The following HDAC9 variants were observed in gnomAD, a reference collection of about 807,000 sequenced individuals.
The protein encoded by HDAC9 is MEF-2 interacting transcription repressor (MITR) protein.
Under a neutral mutation model 139.4 loss-of-function variants are expected in HDAC9, and 41 were observed. The ratio of observed to expected loss-of-function variants is 0.29; its 90% CI spans 0.23 to 0.38. HDAC9 has a LOEUF of 0.38. Ranked by LOEUF, HDAC9 falls within the 10% of genes least tolerant of loss-of-function variation. The probability of loss-of-function intolerance (pLI) is 1.00; values close to 1 mark genes in which losing one functional copy is unlikely to be tolerated. For synonymous variants in HDAC9, 517 were observed against 476.2 expected (o/e 1.09, Z -1.12); for missense variants, 1,147 against 1,297.0 (o/e 0.88, Z 1.78).
chr7:18,106,643 G>A (rs2697900), intron 1 of HDAC9, among the ~76,000 whole-genome samples: 83,478 of 151,900 alleles, frequency 0.55, 25,549 homozygotes, highest in Non-Finnish European at 0.68. Context: ...TGGTAAAGAT[G>A]GGGTTTCACC....
intron 1 of HDAC9, among the ~76,000 whole-genome samples, chr7:18,336,462 C>T (rs537977520): frequency 1.3e-5 from 2 of 151,578 alleles, no homozygotes; most frequent in Non-Finnish European, 3.0e-5. Flanking sequence ...TTATACTGTC[C>T]TCTCTGCTGT....
chr7:18,137,748 A>T (rs986865860), intron 1 of HDAC9, among the ~76,000 whole-genome samples: 1 of 152,050 alleles, frequency 6.6e-6, no homozygotes, highest in African/African-American at 2.4e-5. Flanking sequence ...TTCATCAAGG[A>T]TATTGGTCTA....
chr7:18,681,883 T>A (rs1018636665), intron 12 of HDAC9, among the ~76,000 whole-genome samples: 2 of 152,038 alleles, frequency 1.3e-5, no homozygotes, highest in African/African-American at 2.4e-5. Flanking sequence ...TGACAATCTG[T>A]CCCAAAGAAA....
chr7:18,786,848 C>A (rs538834061), intron 16 of HDAC9, among the ~76,000 whole-genome samples: 1,604 of 125,814 alleles, frequency 0.013, 51 homozygotes, highest in African/African-American at 0.047. Flanking sequence ...TCCTTCCTTC[C>A]TTCCTTCTCT....
intron 17 of HDAC9, among the ~76,000 whole-genome samples, chr7:18,828,722 AG>A (rs1795639477): frequency 6.6e-6 from 1 of 152,170 alleles, no homozygotes; most frequent in African/African-American, 2.4e-5. Flanking sequence ...ATAACCATCA[AG>A]GAGATCCAGT....
intron 1 of HDAC9, among the ~76,000 whole-genome samples, chr7:18,347,828 C>T (rs1285092293): frequency 1.3e-5 from 2 of 152,054 alleles, no homozygotes; most frequent in Non-Finnish European, 2.9e-5. Flanking sequence ...CCACCCACCT[C>T]GGCCTCCCCA....
chr7:18,123,814 G>T (rs995658124), intron 1 of HDAC9, among the ~76,000 whole-genome samples: 1 of 152,120 alleles, frequency 6.6e-6, no homozygotes, highest in Non-Finnish European at 1.5e-5. Context: ...CACATAATAA[G>T]TCTAAAACAG....
intron 6 of HDAC9, among the ~76,000 whole-genome samples, chr7:18,614,487 A>ATT: frequency 6.6e-6 from 1 of 152,198 alleles, no homozygotes; most frequent in Non-Finnish European, 1.5e-5. Flanking sequence ...AGTAGGAAGC[A>ATT]TCTTTTCAGA....
chr7:18,839,704 A>G (rs1489853889), intron 21 of HDAC9, among the ~76,000 whole-genome samples: 1 of 152,066 alleles, frequency 6.6e-6, no homozygotes, highest in Non-Finnish European at 1.5e-5. Flanking sequence ...TGTTATAAGA[A>G]TGTCAGACTT....
At chr7:18,125,041 T>G (rs886257502) in intron 1 of HDAC9, among the ~76,000 whole-genome samples, 9 of 151,896 alleles carry the variant, frequency 5.9e-5, no homozygotes, top group African/African-American at 2.2e-4. Flanking sequence ...AGTGTGTTCT[T>G]GAGTCTGTAA....
At chr7:18,616,025 C>T (rs1168105687) in intron 6 of HDAC9, among the ~76,000 whole-genome samples, 1 of 152,152 alleles carries the variant, frequency 6.6e-6, no homozygotes, top group Non-Finnish European at 1.5e-5. Flanking sequence ...AGGCTGCCTG[C>T]AAGCTCTAGC....
At chr7:18,713,869 C>G (rs1784516798) in intron 12 of HDAC9, among the ~76,000 whole-genome samples, 1 of 151,432 alleles carries the variant, frequency 6.6e-6, no homozygotes, top group African/African-American at 2.4e-5. Flanking sequence ...CTCAATAACA[C>G]CTTGTTATAA....
chr7:18,116,623 CAA>C (rs1190468241), intron 1 of HDAC9, among the ~76,000 whole-genome samples: 6 of 151,832 alleles, frequency 4.0e-5, no homozygotes, highest in Non-Finnish European at 8.8e-5. Flanking sequence ...ACATATGTAT[CAA>C]ATAAAATAAT....
Position 18,644,760 on chromosome 7 carries a change from C to G in HDAC9, c.1002C>G (p.Thr334=). The G allele has an allele frequency of 6.2e-7, 1 of 1,611,926 alleles. No individual in the cohort carries two copies. Among genetic ancestry groups the G allele is most frequent in the Admixed American group, 1.7e-5 (1 of 59,784 alleles). ...CCTCTCCTTCTTTGCCCAACATTACCTTGGGGCTTCCCGCAGTGCCATCCC... is the reference window on the plus strand; with the variant it reads ...CCTCTCCTTCTTTGCCCAACATTACGTTGGGGCTTCCCGCAGTGCCATCCC... ...LYTSPSLPNI[T]LGLPAVPSQL... The change falls in exon 9 of 26, where the codon ACC becomes ACG. Residue 334 remains threonine, a synonymous_variant. Transcript: ENST00000686413.
intron 1 of HDAC9, among the ~76,000 whole-genome samples, chr7:18,409,082 C>G (rs1176127374): frequency 6.6e-6 from 1 of 151,972 alleles, no homozygotes; most frequent in African/African-American, 2.4e-5. Flanking sequence ...AGAAGTCAGC[C>G]CTGGAATGTA....
intron 2 of HDAC9, among the ~76,000 whole-genome samples, chr7:18,202,727 C>T (rs1168083786): frequency 6.6e-6 from 1 of 152,084 alleles, no homozygotes; most frequent in African/African-American, 2.4e-5. Flanking sequence ...CTTGAATCAC[C>T]ATAATGTTTT....
rs1786764241 is a variant in HDAC9, at chr7:19,001,775, A to G, written c.*5713A>G. The G allele has an allele frequency of 6.6e-6, 1 of 152,094 alleles. No homozygotes were observed. Among genetic ancestry groups the G allele is most frequent in the Non-Finnish European group, 1.5e-5 (1 of 67,964 alleles). The allele number at this position is 152,094 out of a possible 1,614,324, so 9.4% of individuals were successfully genotyped here. The stretch of plus-strand genomic sequence containing the variant: ...TCTAGGTATAACAAACAAGCCGTTA[A>G]AAATGAGTGACCATTTTGTAGGTTA... On this transcript the variant is annotated 3_prime_UTR_variant, in exon 26 of 26. Coordinates refer to ENST00000686413, the MANE Select transcript of HDAC9 (RefSeq NM_178425.4).
At chr7:18,369,738 A>C (rs1220673232) in intron 1 of HDAC9, among the ~76,000 whole-genome samples, 6 of 152,036 alleles carry the variant, frequency 3.9e-5, no homozygotes, top group Admixed American at 3.9e-4. Flanking sequence ...CAAGTCATGA[A>C]AAGTGTTTCA....
At chr7:18,915,177 A>G (rs1803076972) in intron 22 of HDAC9, among the ~76,000 whole-genome samples, 1 of 152,072 alleles carries the variant, frequency 6.6e-6, no homozygotes, top group Non-Finnish European at 1.5e-5. Context: ...CACAGTTTTT[A>G]TTAAGGATCC....
Sources: allele counts gnomAD v4.1 joint callset (sites outside exome capture counted in the v4.1 genomes callset), GRCh38; gene constraint gnomAD v4.1.1; transcripts MANE v1.5; gene names NCBI Gene and HGNC (gene_info 2026-07-23, HGNC 2026-07-21).